Variants in HIP1 observed in about 807,000 individuals in gnomAD.
HIP1 encodes huntingtin interacting protein 1.
HIP1 carries 65 observed loss-of-function variants against 147.6 expected under a neutral mutation model. The observed-to-expected ratio is 0.44, with a 90% confidence interval of 0.36 to 0.54. The LOEUF is 0.54. HIP1 is among the 20% of genes least tolerant of loss of function. The pLI is 0.00. For synonymous variants in HIP1, 479 were observed against 504.0 expected (o/e 0.95, Z 0.67); for missense variants, 1,061 against 1,299.6 (o/e 0.82, Z 2.82).
chr7:75,632,352 T>A (rs1359950441), intron 1 of HIP1, among the ~76,000 whole-genome samples: 1 of 152,088 alleles, frequency 6.6e-6, no homozygotes, highest in Non-Finnish European at 1.5e-5. Context: ...ATCTTAGTGA[T>A]CAGTGACGAT....
intron 1 of HIP1, among the ~76,000 whole-genome samples, chr7:75,641,649 G>T (rs1169950407): frequency 6.6e-6 from 1 of 151,918 alleles, no homozygotes; most frequent in Non-Finnish European, 1.5e-5. Context: ...GTGCCACCAT[G>T]CCCAGCCCCG....
At chr7:75,551,456 C>A (rs1198425163) in intron 22 of HIP1, among the ~76,000 whole-genome samples, 3 of 151,716 alleles carry the variant, frequency 2.0e-5, no homozygotes, top group African/African-American at 7.3e-5. Context: ...CTCAAGTGAT[C>A]CACCCACCTC....
chr7:75,615,825 C>T (rs1188206056), intron 1 of HIP1, among the ~76,000 whole-genome samples: 1 of 150,668 alleles, frequency 6.6e-6, no homozygotes, highest in African/African-American at 2.4e-5. Flanking sequence ...GTGGCTCATG[C>T]CTGTAGTCCC....
rs1235510789 is a variant in HIP1, at chr7:75,664,070, A to G, written c.121-64823T>C. ...TATGTGTATATACACATATATGTGTATATACACACACATATACACACATAT... is the reference window on the plus strand; with the variant it reads ...TATGTGTATATACACATATATGTGTGTATACACACACATATACACACATAT... On this transcript the variant is annotated intron_variant, in intron 1 of 30. Coordinates refer to ENST00000336926, the MANE Select transcript of HIP1 (RefSeq NM_005338.7). Among the ~76,000 whole-genome samples, 4 of 76,200 alleles carry G rather than the reference A, an allele frequency of 5.2e-5. 1 individual carries two copies. The highest frequency in any genetic ancestry group is 5.0e-4 in the South Asian group (1 of 2,006). The allele number at this position is 76,200 out of a possible 152,430, so 50.0% of individuals were successfully genotyped here.
intron 26 of HIP1, 86 bp downstream of exon 26, chr7:75,545,001 AT>A (rs60028636): frequency 1.1e-4 from 92 of 856,268 alleles, no homozygotes; most frequent in Middle Eastern, 2.3e-4. Context: ...TAAGGGACAG[AT>A]TTTTTTTTCC....
chr7:75,616,971 T>A (rs1355975083), intron 1 of HIP1, among the ~76,000 whole-genome samples: 1 of 151,954 alleles, frequency 6.6e-6, no homozygotes, highest in Non-Finnish European at 1.5e-5. Context: ...AGTGGTGCAA[T>A]CATGGCTCAT....
intron 1 of HIP1, among the ~76,000 whole-genome samples, chr7:75,673,526 T>C (rs1218415103): frequency 6.6e-6 from 1 of 152,136 alleles, no homozygotes; most frequent in African/African-American, 2.4e-5. Context: ...GTCTTTCCAT[T>C]TATTTAGGTC....
intron 1 of HIP1, among the ~76,000 whole-genome samples, chr7:75,649,424 C>G (rs1456812216): frequency 3.3e-5 from 5 of 152,184 alleles, no homozygotes; most frequent in African/African-American, 1.2e-4. Flanking sequence ...AGCAATGACC[C>G]TGAACACTAT....
chr7:75,677,537 G>A (rs2705805), intron 1 of HIP1, among the ~76,000 whole-genome samples: 83,504 of 146,876 alleles, frequency 0.57, 24,177 homozygotes, highest in African/African-American at 0.66. Context: ...ACCTGGAGGT[G>A]GAGTTTGCAG....
chr7:75,554,637 A>G (rs1554492849), intron 19 of HIP1, 111 bp from the exon 20 acceptor site: 1 of 720,382 alleles, frequency 1.4e-6, no homozygotes, highest in African/African-American at 1.7e-5. Flanking sequence ...CTTCCTGCCT[A>G]GACGTGAAGT....
At chr7:75,671,415 G>C (rs1295662044) in intron 1 of HIP1, among the ~76,000 whole-genome samples, 1 of 152,052 alleles carries the variant, frequency 6.6e-6, no homozygotes, top group Non-Finnish European at 1.5e-5. Flanking sequence ...CCCTTTTAAG[G>C]CTGAATAACA....
intron 1 of HIP1, among the ~76,000 whole-genome samples, chr7:75,686,645 CTT>C (rs561407934): frequency 3.9e-4 from 59 of 151,664 alleles, no homozygotes; most frequent in African/African-American, 1.2e-3. Flanking sequence ...TTTTCCTTCT[CTT>C]TTCTCATTTT....
intron 7 of HIP1, among the ~76,000 whole-genome samples, chr7:75,574,817 A>G (rs1396668296): frequency 6.6e-6 from 1 of 152,104 alleles, no homozygotes; most frequent in East Asian, 1.9e-4. Flanking sequence ...AGCTCCTACC[A>G]TGGCGGACAT....
intron 1 of HIP1, among the ~76,000 whole-genome samples, chr7:75,703,230 C>T (rs188921911): frequency 6.6e-6 from 1 of 152,098 alleles, no homozygotes; most frequent in Non-Finnish European, 1.5e-5. Context: ...TGCTTGTAAT[C>T]CCAGCTACTT....
chr7:75,709,568 G>A (rs1462336934), intron 1 of HIP1, among the ~76,000 whole-genome samples: 3 of 152,172 alleles, frequency 2.0e-5, no homozygotes, highest in African/African-American at 4.8e-5. Flanking sequence ...GGTTTTAACA[G>A]ACTTTTTGGT....
chr7:75,581,971 C>T (rs1343646890), intron 6 of HIP1, 104 bp downstream of exon 6: 1 of 919,698 alleles, frequency 1.1e-6, no homozygotes, highest in Non-Finnish European at 1.7e-6. Context: ...GGTCCCCATC[C>T]CAGCCACGGC....
chr7:75,572,281 T>C (rs1584814570), intron 8 of HIP1, among the ~76,000 whole-genome samples: 1 of 150,894 alleles, frequency 6.6e-6, no homozygotes, highest in Non-Finnish European at 1.5e-5. Context: ...TTCCAAACTA[T>C]ATATATTCTG....
chr7:75,554,331 A>G, intron 20 of HIP1, 109 bp downstream of exon 20: 6 of 1,277,636 alleles, frequency 4.7e-6, no homozygotes, highest in East Asian at 2.3e-5. Context: ...TGAGTTGCCT[A>G]CATGCCTTTC....
intron 4 of HIP1, among the ~76,000 whole-genome samples, chr7:75,587,302 G>A (rs137912365): frequency 6.6e-6 from 1 of 151,962 alleles, no homozygotes. Context: ...GACTAGTCTC[G>A]AACTTCTGAT....
Sources: allele counts gnomAD v4.1 joint callset (sites outside exome capture counted in the v4.1 genomes callset), GRCh38; gene constraint gnomAD v4.1.1; transcripts MANE v1.5; gene names NCBI Gene and HGNC (gene_info 2026-07-23, HGNC 2026-07-21).